ATRNL1: variants seen among roughly 807,000 people sequenced by gnomAD.
ATRNL1 encodes the protein attractin like 1.
A neutral mutation model predicts 182.7 loss-of-function variants in ATRNL1; 95 were observed. The observed-to-expected ratio is 0.52, with a 90% CI of 0.44 to 0.62. ATRNL1 has a LOEUF of 0.62. Ranked by LOEUF, ATRNL1 falls within the 20% of genes least tolerant of loss-of-function variation. ATRNL1 has a pLI of 0.00. For missense variants in ATRNL1, 1,471 were observed against 1,679.5 expected (o/e 0.88, Z 2.17); for synonymous variants, 576 against 568.3 (o/e 1.01, Z -0.19).
chr10:115,326,055 A>C (rs1310510045), intron 18 of ATRNL1, among the ~76,000 whole-genome samples: 2 of 152,130 alleles, frequency 1.3e-5, no homozygotes, highest in Non-Finnish European at 2.9e-5. Flanking sequence ...GTCACAGAGT[A>C]AATTTTCTAT....
intron 1 of ATRNL1, among the ~76,000 whole-genome samples, chr10:115,106,416 A>G (rs1844014258): frequency 6.6e-6 from 1 of 152,072 alleles, no homozygotes; most frequent in Non-Finnish European, 1.5e-5. Flanking sequence ...ATGAGTTAAG[A>G]CTTTGGGGGA....
chr10:115,141,677 T>C (rs1845758734), intron 5 of ATRNL1, among the ~76,000 whole-genome samples: 1 of 152,188 alleles, frequency 6.6e-6, no homozygotes, highest in Non-Finnish European at 1.5e-5. Flanking sequence ...TAGAAATTCA[T>C]AAAGTAGCTT....
rs60890699 is a variant in ATRNL1 at position 115,114,771 on chromosome 10, G to GT, written c.294-5410dup. Among the ~76,000 whole-genome samples the GT allele has an allele frequency of 7.8e-3, 1,180 of 152,036 alleles. 18 individuals carry two copies. Among genetic ancestry groups the GT allele is most frequent in the African/African-American group, 0.028 (1,142 of 41,486 alleles). On this transcript the variant is annotated intron_variant, in intron 1 of 28. Transcript: ENST00000355044. ...TGGTGAGTATATGGCAAAAAGGGAA[G>GT]TTTTGTACACTATTGGGGGAAAGTA...
chr10:115,941,935 C>G (rs1186669118), intron 28 of ATRNL1, among the ~76,000 whole-genome samples: 1 of 152,190 alleles, frequency 6.6e-6, no homozygotes, highest in Non-Finnish European at 1.5e-5. Context: ...AAGAAAACAG[C>G]TTTTATGTAA....
At chr10:115,519,357 T>G in intron 25 of ATRNL1, 33 bp downstream of exon 25, 2 of 1,561,148 alleles carry the variant, frequency 1.3e-6, no homozygotes, top group East Asian at 2.3e-5. Context: ...TTTGAACTTT[T>G]CAAGCCTGTA....
chr10:115,793,636 C>T (rs183722529), intron 27 of ATRNL1, among the ~76,000 whole-genome samples: 56 of 152,042 alleles, frequency 3.7e-4, no homozygotes, highest in Non-Finnish European at 6.3e-4. Context: ...AGATGCCAGT[C>T]GAATAGCTGT....
chr10:115,251,595 C>T (rs1722741078), intron 10 of ATRNL1, among the ~76,000 whole-genome samples: 1 of 152,158 alleles, frequency 6.6e-6, no homozygotes, highest in Non-Finnish European at 1.5e-5. Flanking sequence ...TCTCTCCCAC[C>T]ATCATATTCT....
At chr10:115,549,557 T>C in intron 26 of ATRNL1, 21 bp downstream of exon 26, 2 of 1,530,962 alleles carry the variant, frequency 1.3e-6, no homozygotes, top group Non-Finnish European at 1.8e-6. Flanking sequence ...TATTATTTAA[T>C]CTTTTGTTTA....
intron 26 of ATRNL1, among the ~76,000 whole-genome samples, chr10:115,583,920 G>C (rs4492729): frequency 1.3e-5 from 2 of 151,436 alleles, no homozygotes; most frequent in East Asian, 4.0e-4. Context: ...TTTGAGATAC[G>C]TCCCATCAAT....
At chr10:115,564,280 T>C (rs1394983516) in intron 26 of ATRNL1, among the ~76,000 whole-genome samples, 1 of 151,972 alleles carries the variant, frequency 6.6e-6, no homozygotes, top group East Asian at 1.9e-4. Flanking sequence ...TTATTTCCAG[T>C]CTGAAATCCA....
chr10:115,565,730 AT>A (rs1854037186), intron 26 of ATRNL1, among the ~76,000 whole-genome samples: 2 of 152,124 alleles, frequency 1.3e-5, no homozygotes, highest in Non-Finnish European at 2.9e-5. Flanking sequence ...TAAGATTATA[AT>A]TAAAAACTTT....
intron 20 of ATRNL1, among the ~76,000 whole-genome samples, chr10:115,395,939 CA>C (rs531631048): frequency 1.2e-3 from 183 of 151,140 alleles, no homozygotes; most frequent in African/African-American, 4.3e-3. Context: ...TAATAAATTC[CA>C]ACCATAATAA....
intron 15 of ATRNL1, among the ~76,000 whole-genome samples, chr10:115,299,226 G>A (rs1853354774): frequency 6.6e-6 from 1 of 151,660 alleles, no homozygotes. Context: ...GTAAAGATTA[G>A]TAACTTGGAT....
At chr10:115,119,885 A>G (rs1322790161) in intron 1 of ATRNL1, among the ~76,000 whole-genome samples, 4 of 151,990 alleles carry the variant, frequency 2.6e-5, no homozygotes, top group African/African-American at 9.7e-5. Flanking sequence ...AACTTACTCT[A>G]TTTTGCATCA....
At chr10:115,758,489 A>G (rs1016273473) in intron 27 of ATRNL1, among the ~76,000 whole-genome samples, 6 of 152,130 alleles carry the variant, frequency 3.9e-5, no homozygotes, top group African/African-American at 1.4e-4. Context: ...GCCTGTTCCT[A>G]CCTCTGAAAG....
At chr10:115,094,959 G>A (rs1276833898) in intron 1 of ATRNL1, among the ~76,000 whole-genome samples, 4 of 152,128 alleles carry the variant, frequency 2.6e-5, no homozygotes, top group Non-Finnish European at 5.9e-5. Flanking sequence ...CGGGAACATC[G>A]CTTTGGCTTG....
intron 26 of ATRNL1, among the ~76,000 whole-genome samples, chr10:115,553,726 A>G (rs576876212): frequency 1.3e-5 from 2 of 151,602 alleles, no homozygotes; most frequent in African/African-American, 4.8e-5. Flanking sequence ...AGAGGCAAAT[A>G]CATTAGTTCT....
At chr10:115,425,335 ATTAC>A (rs57798958) in intron 20 of ATRNL1, among the ~76,000 whole-genome samples, 54,336 of 149,882 alleles carry the variant, frequency 0.36, 10,466 homozygotes, top group African/African-American at 0.51. Context: ...GTATGTAATA[ATTAC>A]TTAAACCATA....
intron 10 of ATRNL1, among the ~76,000 whole-genome samples, chr10:115,258,384 T>G (rs905708490): frequency 5.3e-5 from 8 of 152,134 alleles, no homozygotes; most frequent in Non-Finnish European, 1.2e-4. Flanking sequence ...ACTGATACCC[T>G]TTCTTCTACT....
Sources: gnomAD v4.1 joint callset for allele counts (sites outside exome capture counted in the v4.1 genomes callset) on GRCh38, gnomAD v4.1.1 for gene constraint, MANE v1.5 for transcripts, NCBI Gene and HGNC (gene_info 2026-07-23, HGNC 2026-07-21) for gene names.